PIK3C2A: variants seen among roughly 807,000 people sequenced by gnomAD.
PIK3C2A encodes phosphatidylinositol 4-phosphate 3-kinase C2 domain-containing subunit alpha.
A neutral mutation model predicts 204.5 loss-of-function variants in PIK3C2A; 97 were observed. The ratio of observed to expected loss-of-function variants is 0.47; its 90% CI spans 0.40 to 0.56. The LOEUF (loss-of-function observed/expected upper bound fraction) is 0.56, where lower values mean the gene tolerates loss of function less well. PIK3C2A is among the 20% of genes least tolerant of loss of function. PIK3C2A has a pLI of 0.00. For synonymous variants in PIK3C2A, 653 were observed against 664.4 expected (o/e 0.98, Z 0.26); for missense variants, 1,735 against 1,969.2 (o/e 0.88, Z 2.25).
At position 17,169,746 on chromosome 11, in the gene PIK3C2A, A is replaced by G. The variant is rs776705372; in HGVS notation, c.-5T>C. On this transcript the variant is annotated 5_prime_UTR_variant, in exon 2 of 33. Transcript: ENST00000691414. ...GTTGCTAGATATCTGAGCCATGTCC[A>G]CTAAAAAGACCAAACCTTCCTTCCT... 4 of 1,571,996 alleles carry G rather than the reference A, an allele frequency of 2.5e-6. No homozygotes were observed. The highest frequency in any genetic ancestry group is 2.3e-5 in the South Asian group (2 of 85,890).
chr11:17,118,076 C>CT (rs35483291), intron 18 of PIK3C2A, among the ~76,000 whole-genome samples: 62,883 of 136,716 alleles, frequency 0.46, 14,433 homozygotes, highest in Middle Eastern at 0.49. Flanking sequence ...ATTTTTTTTT[C>CT]TTTTTTTTTT....
chr11:17,114,034 C>T (rs941473478), intron 20 of PIK3C2A, among the ~76,000 whole-genome samples: 7 of 150,906 alleles, frequency 4.6e-5, no homozygotes, highest in Non-Finnish European at 5.9e-5. Flanking sequence ...GAGCCAAGAT[C>T]GCACCACTGC....
intron 1 of PIK3C2A, among the ~76,000 whole-genome samples, chr11:17,178,115 A>AG (rs1555034941): frequency 2.5e-4 from 7 of 28,510 alleles, no homozygotes; most frequent in Non-Finnish European, 4.6e-4. Context: ...AAAAAAAAGA[A>AG]AAAAAAAATT....
chr11:17,168,670 A>C lies in PIK3C2A; in HGVS notation c.1065+7T>G, dbSNP rs1851053893. The C allele has an allele frequency of 6.7e-7, 1 of 1,497,960 alleles. No homozygotes were observed. Among genetic ancestry groups the C allele is most frequent in the East Asian group, 2.3e-5 (1 of 44,198 alleles). 92.8% of individuals were successfully genotyped at this position (1,497,960 alleles called of 1,614,324 possible). ...AAGTTTGAGAAGTTAGTAAGAAAAG[A>C]CTATACCTGAGATATATGGCCCTGG... On this transcript the variant is annotated splice_region_variant and intron_variant, in intron 2 of 32. Transcript: ENST00000691414.
rs1204880047 is a variant in PIK3C2A at position 17,178,711 on chromosome 11, GAATTTTTTT to G, written c.-65-8914_-65-8906del. Among the ~76,000 whole-genome samples, 12 of 89,262 alleles carry G rather than the reference GAATTTTTTT, an allele frequency of 1.3e-4. No homozygotes were observed. In the South Asian group the frequency reaches 1.6e-3, roughly 12 times the overall value. 58.6% of individuals were successfully genotyped at this position (89,262 alleles called of 152,430 possible). On this transcript the variant is annotated intron_variant, in intron 1 of 32. Coordinates refer to ENST00000691414, the MANE Select transcript of PIK3C2A (RefSeq NM_002645.4). ...TAGCCACCACACCTGGTTGATTTTT[GAATTTTTTT>G]TTTTTTTTTTTTTTTTTTTTGAGAC...
At chr11:17,145,010 G>A (rs1413599233) in intron 8 of PIK3C2A, among the ~76,000 whole-genome samples, 1 of 151,412 alleles carries the variant, frequency 6.6e-6, no homozygotes, top group Admixed American at 6.6e-5. Flanking sequence ...CTCCCATTTG[G>A]AACGGCTGTA....
intron 1 of PIK3C2A, among the ~76,000 whole-genome samples, chr11:17,172,486 G>A (rs1339696413): frequency 6.6e-6 from 1 of 152,164 alleles, no homozygotes; most frequent in African/African-American, 2.4e-5. Context: ...GAGACCAGCA[G>A]AAGAAATCAC....
intron 12 of PIK3C2A, 43 bp from the exon 13 acceptor site, chr11:17,129,510 T>C (rs776039742): frequency 4.6e-6 from 6 of 1,297,012 alleles, no homozygotes; most frequent in Non-Finnish European, 6.6e-6. Flanking sequence ...TTAGATTGAA[T>C]GATTTTGAAA....
intron 11 of PIK3C2A, among the ~76,000 whole-genome samples, chr11:17,133,073 T>C (rs982965183): frequency 1.1e-4 from 16 of 152,250 alleles, no homozygotes; most frequent in African/African-American, 3.4e-4. Flanking sequence ...TCAAATTTCG[T>C]TGGTTCACAC....
intron 13 of PIK3C2A, among the ~76,000 whole-genome samples, chr11:17,127,577 G>A (rs1034069044): frequency 6.6e-6 from 1 of 152,078 alleles, no homozygotes; most frequent in Non-Finnish European, 1.5e-5. Context: ...CCAAAATGAT[G>A]GGATTACAGG....
intron 1 of PIK3C2A, among the ~76,000 whole-genome samples, chr11:17,179,470 G>A (rs1358563178): frequency 1.3e-5 from 2 of 152,030 alleles, no homozygotes; most frequent in African/African-American, 4.8e-5. Flanking sequence ...CCAACCTACA[G>A]CCTTTAAATG....
intron 12 of PIK3C2A, 78 bp downstream of exon 12, chr11:17,131,834 AAATT>A: frequency 9.2e-7 from 1 of 1,083,378 alleles, no homozygotes; most frequent in Non-Finnish European, 1.4e-6. Context: ...ATTGCAATAA[AAATT>A]AAAGCTAGGA....
intron 21 of PIK3C2A, among the ~76,000 whole-genome samples, chr11:17,111,767 C>T (rs1418791594): frequency 6.6e-6 from 1 of 151,166 alleles, no homozygotes; most frequent in Non-Finnish European, 1.5e-5. Flanking sequence ...ATCCCAGCTA[C>T]TTGGGAGGCT....
At chr11:17,095,000 G>A (rs1228422011) in intron 27 of PIK3C2A, among the ~76,000 whole-genome samples, 1 of 152,122 alleles carries the variant, frequency 6.6e-6, no homozygotes, top group African/African-American at 2.4e-5. Flanking sequence ...TATAATCCTA[G>A]CACTTTGAGG....
At chr11:17,207,475 G>A (rs939172148) in intron 1 of PIK3C2A, among the ~76,000 whole-genome samples, 3 of 152,206 alleles carry the variant, frequency 2.0e-5, no homozygotes, top group Non-Finnish European at 2.9e-5. Flanking sequence ...CGGCCACTGC[G>A]GCTCCAGCCC....
chr11:17,141,557 A>T (rs1850065844), intron 8 of PIK3C2A, among the ~76,000 whole-genome samples: 1 of 152,232 alleles, frequency 6.6e-6, no homozygotes, highest in Admixed American at 6.5e-5. Context: ...ATCTTACATA[A>T]ACCACGTTAC....
intron 19 of PIK3C2A, chr11:17,115,551 G>GAAAAAAAA (rs35301968): frequency 2.1e-5 from 2 of 93,670 alleles, no homozygotes; most frequent in African/African-American, 5.2e-5. Flanking sequence ...GGAAAAAAAG[G>GAAAAAAAA]AAAAAAAAAA....
Position 17,114,407 on chromosome 11 carries a change from C to A in PIK3C2A, c.3275G>T (p.Arg1092Leu), listed in dbSNP as rs138330827. The A allele has an allele frequency of 7.8e-5, 124 of 1,597,196 alleles. No homozygotes were observed. Among genetic ancestry groups the A allele is most frequent in the Non-Finnish European group, 1.0e-4 (117 of 1,165,142 alleles). Residue 1092 changes from arginine (R) to leucine (L), a missense_variant, in exon 20 of 33, where the codon CGT (arginine) becomes CTT (leucine). By Grantham distance (102) the Arg-to-Leu change is moderately radical. Transcript: ENST00000691414. The stretch of plus-strand genomic sequence containing the variant: ...CACTAGACTTGGCTTGAGAGGGAGA[C>A]GGCATTTATTTTTCTGAAAAAAGGA... Reference protein sequence around the residue: ...VQSFFQKNKCRLPLKPSLVAK... With the variant: ...VQSFFQKNKCLLPLKPSLVAK...
intron 1 of PIK3C2A, among the ~76,000 whole-genome samples, chr11:17,179,682 C>T (rs1297968599): frequency 6.6e-6 from 1 of 152,158 alleles, no homozygotes; most frequent in African/African-American, 2.4e-5. Flanking sequence ...GTGACATCAT[C>T]ATAGCTCACT....
Sources: allele counts gnomAD v4.1 joint callset (sites outside exome capture counted in the v4.1 genomes callset), GRCh38; gene constraint gnomAD v4.1.1; transcripts MANE v1.5; gene names NCBI Gene and HGNC (gene_info 2026-07-23, HGNC 2026-07-21).